Variants in TNRC6A observed in about 807,000 individuals in gnomAD.
TNRC6A encodes trinucleotide repeat-containing gene 6A protein.
Under a neutral mutation model 221.2 loss-of-function variants are expected in TNRC6A, and 44 were observed. The observed-to-expected ratio is 0.20, with a 90% confidence interval of 0.16 to 0.26. The LOEUF (loss-of-function observed/expected upper bound fraction) is 0.26, where lower values mean the gene tolerates loss of function less well. Ranked by LOEUF, TNRC6A falls within the 10% of genes least tolerant of loss-of-function variation. The pLI is 1.00. For missense variants in TNRC6A, 2,199 were observed against 2,404.4 expected, an observed-to-expected ratio of 0.91 and a Z score of 1.79; for synonymous variants, 847 against 838.5, an observed-to-expected ratio of 1.01 and a Z score of -0.18.
upstream of TNRC6A, among the ~76,000 whole-genome samples, chr16:24,727,312 A>T (rs1176855325): frequency 1.3e-5 from 2 of 152,142 alleles, no homozygotes; most frequent in Non-Finnish European, 2.9e-5. Context: ...TACAGGCATG[A>T]GCCACCGCGC....
At chr16:24,816,342 A>G (rs1349628505) in intron 19 of TNRC6A, 1 of 153,002 alleles carries the variant, frequency 6.5e-6, no homozygotes, top group East Asian at 1.9e-4. Flanking sequence ...AAAAAAAAAA[A>G]AAAAATACAT....
At chr16:24,623,931 G>GAATTTC (rs1332448327) in intron 1 of TNRC6A, among the ~76,000 whole-genome samples, 1 of 65,062 alleles carries the variant, frequency 1.5e-5, no homozygotes, top group Non-Finnish European at 3.2e-5. Flanking sequence ...AAAAAAAAAA[G>GAATTTC]AATTTCAAGA....
intron 2 of TNRC6A, among the ~76,000 whole-genome samples, chr16:24,734,191 GAA>G (rs1039778001): frequency 1.3e-5 from 2 of 151,504 alleles, no homozygotes; most frequent in African/African-American, 4.8e-5. Context: ...AAAAGAGAGA[GAA>G]AGGAAAAAAA....
chr16:24,741,701 A>G (rs777980241), intron 2 of TNRC6A, among the ~76,000 whole-genome samples: 23 of 152,018 alleles, frequency 1.5e-4, no homozygotes, highest in Non-Finnish European at 3.1e-4. Context: ...AATTGTTTTT[A>G]TGTATTCAGT....
intron 18 of TNRC6A, among the ~76,000 whole-genome samples, chr16:24,814,807 A>G (rs974768229): frequency 1.3e-5 from 2 of 152,124 alleles, no homozygotes; most frequent in Admixed American, 6.5e-5. Flanking sequence ...CATCACCACA[A>G]TCCATTTTTA....
chr16:24,713,583 C>T (rs757066958), intron 2 of TNRC6A, among the ~76,000 whole-genome samples: 1 of 152,098 alleles, frequency 6.6e-6, no homozygotes, highest in Non-Finnish European at 1.5e-5. Context: ...GGGTCTATAA[C>T]ATGCCTTGTC....
chr16:24,726,292 C>G (rs2056490105), upstream of TNRC6A, among the ~76,000 whole-genome samples: 1 of 143,268 alleles, frequency 7.0e-6, no homozygotes, highest in African/African-American at 2.6e-5. Context: ...AAGTCTGGAA[C>G]AAAGCCTTGG....
At chr16:24,781,796 A>G (rs1219125074) in intron 5 of TNRC6A, among the ~76,000 whole-genome samples, 1 of 151,472 alleles carries the variant, frequency 6.6e-6, no homozygotes, top group Non-Finnish European at 1.5e-5. Context: ...CTCACAGGCC[A>G]GTGGGTTACT....
chr16:24,645,635 A>T (rs1902238910), intron 2 of TNRC6A, among the ~76,000 whole-genome samples: 2 of 151,956 alleles, frequency 1.3e-5, no homozygotes, highest in South Asian at 4.2e-4. Context: ...TGTCAATATC[A>T]ACAATATTCT....
chr16:24,775,734 A>G (rs998977759), intron 4 of TNRC6A, among the ~76,000 whole-genome samples: 5 of 152,246 alleles, frequency 3.3e-5, no homozygotes, highest in East Asian at 1.9e-4. Context: ...GGTAACTCAG[A>G]TGGTGAATAG....
At chr16:24,632,833 AC>A (rs1225223316) in intron 1 of TNRC6A, among the ~76,000 whole-genome samples, 1 of 151,922 alleles carries the variant, frequency 6.6e-6, no homozygotes, top group Non-Finnish European at 1.5e-5. Flanking sequence ...ACATGGTGAA[AC>A]CCTGTCTCTA....
chr16:24,679,380 G>C (rs1160215267), intron 2 of TNRC6A, among the ~76,000 whole-genome samples: 1 of 151,842 alleles, frequency 6.6e-6, no homozygotes, highest in Non-Finnish European at 1.5e-5. Flanking sequence ...CTTGGCTCAA[G>C]GCAGCCTCGA....
At chr16:24,642,352 G>A (rs539137030) in intron 2 of TNRC6A, among the ~76,000 whole-genome samples, 1 of 152,328 alleles carries the variant, frequency 6.6e-6, no homozygotes, top group East Asian at 1.9e-4. Context: ...CAGGGATTGA[G>A]TAGTGGTCAG....
chr16:24,643,567 G>A (rs759218226), intron 2 of TNRC6A, among the ~76,000 whole-genome samples: 7 of 152,032 alleles, frequency 4.6e-5, no homozygotes, highest in Non-Finnish European at 7.3e-5. Flanking sequence ...GCTTCCAGCC[G>A]TACTGCTTAT....
Position 24,789,720 on chromosome 16 carries a change from A to C in TNRC6A, c.1078A>C (p.Thr360Pro). 4 of 1,614,272 alleles carry C rather than the reference A, an allele frequency of 2.5e-6. No homozygotes were observed. The highest frequency in any genetic ancestry group is 3.4e-6 in the Non-Finnish European group (4 of 1,180,056). ...SSSNGGLNPS[T>P]LNSASNHGAW... The stretch of plus-strand genomic sequence containing the variant: ...ATCAAATGGAGGGTTAAATCCAAGC[A>C]CTTTGAATTCAGCTAGCAACCATGG... Residue 360 changes from threonine (T) to proline (P), a missense_variant, in exon 6 of 25, where the codon ACT becomes CCT. By Grantham distance (38) the Thr-to-Pro change is conservative. Around this residue, in one of 8 missense-constraint regions of TNRC6A, gnomAD observed 1,405 missense variants for 1,400.2 expected, o/e 1.00. Coordinates refer to ENST00000395799, the MANE Select transcript of TNRC6A (RefSeq NM_014494.4).
Position 24,806,584 on chromosome 16 carries a change from T to G in TNRC6A, c.4340T>G (p.Leu1447Arg). The G allele has an allele frequency of 1.9e-6, 3 of 1,614,226 alleles. No individual in the cohort carries two copies. The highest frequency in any genetic ancestry group is 2.5e-6 in the Non-Finnish European group (3 of 1,180,036). The change falls in exon 17 of 25, where the codon CTT (leucine) becomes CGT (arginine). Residue 1447 changes from leucine to arginine, a missense_variant. Coordinates refer to ENST00000395799, the MANE Select transcript of TNRC6A (RefSeq NM_014494.4). The stretch of plus-strand genomic sequence containing the variant: ...TTTCATTGTTTTAAGGGTCGACCTC[T>G]TAGTGTGCAGCAGCAAATGATGCAA... Reference protein sequence around the residue: ...RPQQDQQGRPLSVQQQMMQQS... With the variant: ...RPQQDQQGRPRSVQQQMMQQS...
chr16:24,664,769 TCACACACACACACACACACACA>T (rs149786252), intron 2 of TNRC6A: 469 of 300,972 alleles, frequency 1.6e-3, no homozygotes, highest in East Asian at 0.011. Context: ...AATCCCCAAA[TCACACACACACACACACACACA>T]CACACACACA....
chr16:24,766,751 A>C (rs2057482283), intron 4 of TNRC6A, among the ~76,000 whole-genome samples: 1 of 139,282 alleles, frequency 7.2e-6, no homozygotes, highest in African/African-American at 2.7e-5. Flanking sequence ...ATCTCAGCTC[A>C]CTGCAACCTC....
At chr16:24,762,323 ACTAT>A (rs1036103110) in intron 4 of TNRC6A, among the ~76,000 whole-genome samples, 1 of 152,280 alleles carries the variant, frequency 6.6e-6, no homozygotes, top group African/African-American at 2.4e-5. Flanking sequence ...AAAAATATTC[ACTAT>A]CTATTAAGTC....
Sources: gnomAD v4.1 joint callset for allele counts (sites outside exome capture counted in the v4.1 genomes callset) on GRCh38, gnomAD v4.1.1 for gene constraint, gnomAD v4.1.1 regional missense constraint, MANE v1.5 for transcripts, NCBI Gene and HGNC (gene_info 2026-07-23, HGNC 2026-07-21) for gene names.